CACNB4: variants seen among roughly 807,000 people sequenced by gnomAD.
The protein encoded by CACNB4 is calcium voltage-gated channel auxiliary subunit beta 4.
CACNB4 carries 32 observed loss-of-function variants against 71.2 expected under a neutral mutation model. The ratio of observed to expected loss-of-function variants is 0.45; its 90% confidence interval spans 0.34 to 0.60. CACNB4 has a LOEUF of 0.60. CACNB4 is among the 20% of genes least tolerant of loss of function. CACNB4 has a pLI of 0.01. For missense variants in CACNB4, 464 were observed against 647.9 expected, an observed-to-expected ratio of 0.72 and a Z score of 3.08; for synonymous variants, 231 against 236.9, an observed-to-expected ratio of 0.97 and a Z score of 0.23.
intron 2 of CACNB4, chr2:151,884,107 C>T (rs2099848663): frequency 6.6e-6 from 1 of 152,052 alleles, no homozygotes; most frequent in African/African-American, 2.4e-5. Flanking sequence ...TGAGACCAGC[C>T]TGGCTGACAT....
intron 2 of CACNB4, chr2:151,969,514 A>G (rs1387199374): frequency 1.3e-5 from 2 of 152,328 alleles, no homozygotes; most frequent in East Asian, 3.9e-4. Flanking sequence ...ATCTTTGTTC[A>G]CATCAAAAGC....
intron 2 of CACNB4, among the ~76,000 whole-genome samples, chr2:151,933,096 G>A (rs1274918723): frequency 1.3e-5 from 2 of 151,590 alleles, no homozygotes; most frequent in African/African-American, 4.8e-5. Context: ...CACCCAGTTG[G>A]TGGTACTTTG....
intron 2 of CACNB4, among the ~76,000 whole-genome samples, chr2:151,909,082 ATATAAATATATT>A (rs1208693960): frequency 6.8e-6 from 1 of 147,880 alleles, no homozygotes; most frequent in Non-Finnish European, 1.5e-5. Context: ...TCCTATCTAT[ATATAAATATATT>A]TATAAATATA....
At chr2:151,965,729 T>C (rs1018042722) in intron 2 of CACNB4, among the ~76,000 whole-genome samples, 4 of 88,580 alleles carry the variant, frequency 4.5e-5, no homozygotes, top group Admixed American at 1.1e-4. Flanking sequence ...AGAAAGCTTT[T>C]GCTTTTGATT....
intron 2 of CACNB4, among the ~76,000 whole-genome samples, chr2:152,043,673 C>T (rs550247144): frequency 4.8e-5 from 7 of 147,036 alleles, no homozygotes; most frequent in Non-Finnish European, 7.4e-5. Flanking sequence ...CGTGTATACA[C>T]GTATACATAC....
intron 2 of CACNB4, among the ~76,000 whole-genome samples, chr2:152,050,312 C>T (rs1446739431): frequency 6.6e-6 from 1 of 152,168 alleles, no homozygotes; most frequent in Non-Finnish European, 1.5e-5. Flanking sequence ...GCGGACACAA[C>T]CTCTAAAAGA....
intron 2 of CACNB4, among the ~76,000 whole-genome samples, chr2:152,074,299 C>T (rs975720987): frequency 1.3e-5 from 2 of 151,874 alleles, no homozygotes; most frequent in African/African-American, 2.4e-5. Flanking sequence ...ACCACCATCA[C>T]CGCTTTACCA....
Position 151,964,242 on chromosome 2 carries a change from C to T in CACNB4, c.148-80872G>A, listed in dbSNP as rs551356436. On this transcript the variant is annotated intron_variant, in intron 2 of 13. Coordinates refer to ENST00000539935, the MANE Select transcript of CACNB4 (RefSeq NM_000726.5). ...GAATCCATTGATATGAAAAAAAATC[C>T]ACAGTACATTTTCAGGTAAAGAAAG... 5.9e-5 allele frequency among the ~76,000 whole-genome samples: 9 copies of T among 151,924 alleles called. 1 individual carries two copies. In the East Asian group the frequency reaches 1.7e-3, roughly 29 times the overall value.
chr2:151,962,748 G>A (rs2345160), intron 2 of CACNB4: 105,773 of 152,114 alleles, frequency 0.7, 40,762 homozygotes, highest in Middle Eastern at 0.89. Context: ...ATCCATCAGC[G>A]ACTTGGGACT....
chr2:151,989,776 A>G (rs1411263529), intron 2 of CACNB4, among the ~76,000 whole-genome samples: 1 of 152,184 alleles, frequency 6.6e-6, no homozygotes, highest in African/African-American at 2.4e-5. Flanking sequence ...TAGACTCAAC[A>G]TGTGCAATAG....
At position 152,098,215 on chromosome 2, in the gene CACNB4, A is replaced by G. The variant is rs1579293704; in HGVS notation, c.147+115T>C. On this transcript the variant is annotated intron_variant, in intron 2 of 13. Transcript: ENST00000539935. This position sits in a 1 kb window ranked among gnomAD's most constrained non-coding sequence, Gnocchi z 5.3. ...GAGCACCGGCCGAGGCCGGGAAGAG[A>G]CGCGCGCGGGCTTGACCCGCAGCTC... 1.3e-6 allele frequency: 1 copy of G among 749,260 alleles called. No homozygotes were observed. The highest frequency in any genetic ancestry group is 2.5e-5 in the East Asian group (1 of 39,408). 46.4% of individuals were successfully genotyped at this position (749,260 alleles called of 1,614,324 possible). A position where few individuals can be genotyped will look rare whatever the true frequency, so the allele number is the denominator to read the frequency against.
intron 2 of CACNB4, among the ~76,000 whole-genome samples, chr2:152,001,621 G>A (rs1365478061): frequency 1.3e-5 from 2 of 150,900 alleles, no homozygotes; most frequent in African/African-American, 4.9e-5. Context: ...GCTGAGGCAG[G>A]AGAATCGCTT....
intron 2 of CACNB4, among the ~76,000 whole-genome samples, chr2:152,092,424 C>T (rs558995473): frequency 6.6e-6 from 1 of 152,296 alleles, no homozygotes; most frequent in South Asian, 2.1e-4. Flanking sequence ...ACCTAAAAAT[C>T]TGAATGTTTT....
chr2:151,949,026 G>A (rs180740371), intron 2 of CACNB4, among the ~76,000 whole-genome samples: 1 of 151,354 alleles, frequency 6.6e-6, no homozygotes, highest in Admixed American at 6.6e-5. Context: ...CTCTTTTTTG[G>A]TTTTTGGTCT....
intron 2 of CACNB4, among the ~76,000 whole-genome samples, chr2:151,997,291 T>C (rs1472501473): frequency 6.6e-6 from 1 of 152,040 alleles, no homozygotes; most frequent in African/African-American, 2.4e-5. Flanking sequence ...TCCCAGCACT[T>C]TGGGAGGCTG....
chr2:151,861,852 A>AAAAAAAAAAAAAAAAAAAAAC (rs1559883027), intron 9 of CACNB4: 16 of 146,644 alleles, frequency 1.1e-4, no homozygotes, highest in African/African-American at 3.7e-4. Flanking sequence ...CAAAAAAAAA[A>AAAAAAAAAAAAAAAAAAAAAC]AAAAAACTGA....
intron 2 of CACNB4, among the ~76,000 whole-genome samples, chr2:152,029,094 T>C (rs2105173760): frequency 6.6e-6 from 1 of 152,308 alleles, no homozygotes; most frequent in East Asian, 1.9e-4. Flanking sequence ...TAACCTCCAA[T>C]ATGATGGTAT....
chr2:152,067,973 A>T (rs1686441228), intron 2 of CACNB4, among the ~76,000 whole-genome samples: 1 of 152,236 alleles, frequency 6.6e-6, no homozygotes, highest in Admixed American at 6.5e-5. Flanking sequence ...CTATTAACTC[A>T]AAGAGGATTG....
At chr2:151,939,553 C>T (rs2099863736) in intron 2 of CACNB4, among the ~76,000 whole-genome samples, 1 of 152,186 alleles carries the variant, frequency 6.6e-6, no homozygotes, top group African/African-American at 2.4e-5. Context: ...CACCCGTGAC[C>T]ATTTCTGTAA....
Sources: allele counts gnomAD v4.1 joint callset (sites outside exome capture counted in the v4.1 genomes callset), GRCh38; gene constraint gnomAD v4.1.1; non-coding constraint Gnocchi (gnomAD v3.1); transcripts MANE v1.5; gene names NCBI Gene and HGNC (gene_info 2026-07-23, HGNC 2026-07-21).